The following KLF12 variants were observed in gnomAD, a reference collection of about 807,000 sequenced individuals.
The protein encoded by KLF12 is Krueppel-like factor 12.
A neutral mutation model predicts 37.8 loss-of-function variants in KLF12; 9 were observed. The observed-to-expected ratio is 0.24, with a 90% CI of 0.14 to 0.42. The LOEUF (loss-of-function observed/expected upper bound fraction) is 0.42, where lower values mean the gene tolerates loss of function less well. Among genes scored for constraint, KLF12 ranks in the 10% least tolerant of loss-of-function variants. The probability of loss-of-function intolerance (pLI) is 1.00; values close to 1 mark genes in which losing one functional copy is unlikely to be tolerated. For missense variants in KLF12, 411 were observed against 516.0 expected (o/e 0.80, Z 1.97); for synonymous variants, 208 against 202.1 (o/e 1.03, Z -0.25).
intron 3 of KLF12, among the ~76,000 whole-genome samples, chr13:73,912,665 A>G (rs1888628530): frequency 1.3e-5 from 2 of 152,190 alleles, no homozygotes; most frequent in South Asian, 4.1e-4. Flanking sequence ...GTGGACTTCC[A>G]GCCTTCAGAA....
chr13:74,277,285 G>T, the KLF12 span, among the ~76,000 whole-genome samples: 9 of 152,216 alleles, frequency 5.9e-5, no homozygotes, highest in South Asian at 1.9e-3. Context: ...GAATTTGTTG[G>T]TCTAAATAGG....
chr13:73,733,617 G>A lies in KLF12; in HGVS notation c.870-18092C>T, dbSNP rs536731626. On this transcript the variant is annotated intron_variant, in intron 6 of 7. Coordinates refer to ENST00000377669, the MANE Select transcript of KLF12 (RefSeq NM_007249.5). ...AGGTTGTCTCTACCTTTTGGCTATTGTGAATAACGCTGTTATGACCAGTAT... is the reference window on the plus strand; with the variant it reads ...AGGTTGTCTCTACCTTTTGGCTATTATGAATAACGCTGTTATGACCAGTAT... 3.3e-5 allele frequency among the ~76,000 whole-genome samples: 5 copies of A among 152,186 alleles called. No individual in the cohort carries two copies. The East Asian group carries it at 9.6e-4, about 29-fold the overall frequency.
At chr13:74,190,902 G>A in the KLF12 span, among the ~76,000 whole-genome samples, 10 of 152,112 alleles carry the variant, frequency 6.6e-5, no homozygotes, top group Non-Finnish European at 1.2e-4. Context: ...TGTGACAACT[G>A]TTTTCCACTC....
chr13:74,172,859 A>T, the KLF12 span, among the ~76,000 whole-genome samples: 4 of 152,176 alleles, frequency 2.6e-5, no homozygotes, highest in African/African-American at 9.7e-5. Context: ...AATAAAAAAT[A>T]CCTGCCTCAG....
chr13:74,186,415 A>G, the KLF12 span, among the ~76,000 whole-genome samples: 3 of 152,146 alleles, frequency 2.0e-5, no homozygotes, highest in Non-Finnish European at 4.4e-5. Context: ...TTGCATGAGA[A>G]CGGCCTGAGT....
chr13:73,822,299 A>G (rs1005239255), intron 4 of KLF12, among the ~76,000 whole-genome samples: 2 of 152,262 alleles, frequency 1.3e-5, no homozygotes, highest in African/African-American at 4.8e-5. Flanking sequence ...AAACGTTCAT[A>G]ATTTTTATTC....
upstream of KLF12, among the ~76,000 whole-genome samples, chr13:74,135,828 A>G (rs1474980702): frequency 6.6e-6 from 1 of 152,168 alleles, no homozygotes; most frequent in Admixed American, 6.5e-5. Flanking sequence ...AAGAGAAACA[A>G]GGGAGAGGCC....
intron 6 of KLF12, among the ~76,000 whole-genome samples, chr13:73,716,232 G>A (rs1362784460): frequency 6.6e-6 from 1 of 152,116 alleles, no homozygotes; most frequent in African/African-American, 2.4e-5. Flanking sequence ...GAATGCCCCA[G>A]TAGAAAAACA....
At chr13:73,716,246 T>C (rs1875796062) in intron 6 of KLF12, among the ~76,000 whole-genome samples, 1 of 152,192 alleles carries the variant, frequency 6.6e-6, no homozygotes, top group African/African-American at 2.4e-5. Context: ...AAAAACAGGA[T>C]TAGTTTATAA....
chr13:73,814,652 A>C (rs1883121159), intron 4 of KLF12, among the ~76,000 whole-genome samples: 1 of 152,240 alleles, frequency 6.6e-6, no homozygotes, highest in Admixed American at 6.5e-5. Context: ...ATTTAAAAGA[A>C]GATAATTCAA....
Position 73,810,982 on chromosome 13 carries a change from C to CTTTCTTTTTTTTTTTTTTTTTTTTT in KLF12, c.806+2169_806+2170insAAAAAAAAAAAAAAAAAAAAAGAAA, listed in dbSNP as rs1555308731. 3.1e-4 allele frequency among the ~76,000 whole-genome samples: 14 copies of CTTTCTTTTTTTTTTTTTTTTTTTTT among 44,818 alleles called. 1 individual carries two copies. The highest frequency in any genetic ancestry group is 1.2e-3 in the African/African-American group (14 of 11,872). The allele number at this position is 44,818 out of a possible 152,430, so 29.4% of individuals were successfully genotyped here. Reference sequence around the variant, plus strand: ...ATGTTTATTTTTTTAATTTTTCTTTCTTTTTTTTTTTTTTTTTTTTTTTTT... The same window carrying CTTTCTTTTTTTTTTTTTTTTTTTTT: ...ATGTTTATTTTTTTAATTTTTCTTTCTTTCTTTTTTTTTTTTTTTTTTTTTTTTTTTTTTTTTTTTTTTTTTTTTT... On this transcript the variant is annotated intron_variant, in intron 5 of 7. Coordinates refer to ENST00000377669, the MANE Select transcript of KLF12 (RefSeq NM_007249.5).
At chr13:74,163,727 T>C in the KLF12 span, among the ~76,000 whole-genome samples, 1 of 152,004 alleles carries the variant, frequency 6.6e-6, no homozygotes, top group Non-Finnish European at 1.5e-5. Context: ...AAGAATGTAA[T>C]TGGATTGTTT....
intron 1 of KLF12, among the ~76,000 whole-genome samples, chr13:74,123,520 A>G (rs925372831): frequency 6.6e-6 from 1 of 152,242 alleles, no homozygotes; most frequent in Non-Finnish European, 1.5e-5. Context: ...ATGTATTTAC[A>G]GCACCTAGCA....
At chr13:74,253,843 T>C in the KLF12 span, among the ~76,000 whole-genome samples, 428 of 152,324 alleles carry the variant, frequency 2.8e-3, 1 homozygote, top group Non-Finnish European at 5.2e-3. Flanking sequence ...ACACTACAAA[T>C]TATGTACCCA....
At chr13:73,909,770 T>C (rs2139142877) in intron 3 of KLF12, among the ~76,000 whole-genome samples, 1 of 152,342 alleles carries the variant, frequency 6.6e-6, no homozygotes, top group South Asian at 2.1e-4. Flanking sequence ...TATCTATTAA[T>C]CTTCTTGGTG....
chr13:73,736,077 G>C (rs1440156003), intron 6 of KLF12, among the ~76,000 whole-genome samples: 3 of 151,864 alleles, frequency 2.0e-5, no homozygotes, highest in African/African-American at 4.8e-5. Flanking sequence ...GAGTAACATG[G>C]ATCTAAGTAT....
the KLF12 span, among the ~76,000 whole-genome samples, chr13:74,199,172 GCA>G: frequency 6.6e-6 from 1 of 152,170 alleles, no homozygotes; most frequent in Non-Finnish European, 1.5e-5. Context: ...AAATCCCTGG[GCA>G]TAGCCCTGAG....
intron 3 of KLF12, among the ~76,000 whole-genome samples, chr13:73,855,558 T>C (rs1470911817): frequency 6.6e-6 from 1 of 152,204 alleles, no homozygotes; most frequent in African/African-American, 2.4e-5. Flanking sequence ...AATGAATATA[T>C]GGATACATGT....
chr13:74,006,572 G>C (rs1366349666), intron 1 of KLF12, among the ~76,000 whole-genome samples: 1 of 152,220 alleles, frequency 6.6e-6, no homozygotes, highest in Non-Finnish European at 1.5e-5. Context: ...TTACAGCCAA[G>C]ACTGTTCCCC....
Sources: allele counts gnomAD v4.1 joint callset (sites outside exome capture counted in the v4.1 genomes callset), GRCh38; gene constraint gnomAD v4.1.1; transcripts MANE v1.5; gene names NCBI Gene and HGNC (gene_info 2026-07-23, HGNC 2026-07-21).